The following RHCE variants were observed in gnomAD, a reference collection of about 807,000 sequenced individuals.
RHCE encodes the protein Rh blood group CcEe antigens, also known as blood group Rh(CE) polypeptide.
A neutral mutation model predicts 43.8 loss-of-function variants in RHCE; 22 were observed. The observed-to-expected ratio is 0.50, with a 90% CI of 0.36 to 0.72. The LOEUF (loss-of-function observed/expected upper bound fraction) is 0.72. Ranked by LOEUF, RHCE falls within the 30% of genes least tolerant of loss-of-function variation. The pLI, the probability that RHCE is intolerant of heterozygous loss-of-function variation, is 0.00. For synonymous variants in RHCE, 156 were observed against 210.7 expected, an observed-to-expected ratio of 0.74 and a Z score of 2.25; for missense variants, 385 against 525.4, an observed-to-expected ratio of 0.73 and a Z score of 2.61.
At chr1:25,416,398 G>A (rs2124533713) in intron 1 of RHCE, among the ~76,000 whole-genome samples, 1 of 151,952 alleles carries the variant, frequency 6.6e-6, no homozygotes, top group South Asian at 2.1e-4. Context: ...CAAGTAGCTG[G>A]GACTACAGGC....
At chr1:25,416,480 G>A (rs930075262) in intron 1 of RHCE, among the ~76,000 whole-genome samples, 8 of 152,078 alleles carry the variant, frequency 5.3e-5, no homozygotes, top group African/African-American at 1.9e-4. Context: ...AGCCAGGATG[G>A]TCTCCATCTC....
intron 8 of RHCE, among the ~76,000 whole-genome samples, chr1:25,373,146 A>G (rs1324598386): frequency 4.6e-5 from 7 of 151,646 alleles, no homozygotes; most frequent in Non-Finnish European, 1.0e-4. Flanking sequence ...TAAAGAAGAA[A>G]GCTTGTTGGT....
intron 1 of RHCE, among the ~76,000 whole-genome samples, chr1:25,418,333 TCTC>T (rs753081482): frequency 5.9e-5 from 9 of 151,456 alleles, no homozygotes; most frequent in Non-Finnish European, 1.2e-4. Flanking sequence ...CAGTCCCTGC[TCTC>T]CTCTTTGTTT....
In RHCE at chr1:25,416,274, T is replaced by A. The variant is rs370323442; in HGVS notation, c.148+4365A>T. On this transcript the variant is annotated intron_variant, in intron 1 of 9. Transcript: ENST00000294413. ...TGTTTTATTTATTTTTATTTTCATT[T>A]TTTTTTTGAGATGGAGTCTCGCCCT... Among the ~76,000 whole-genome samples, 10 of 152,258 alleles carry A rather than the reference T, an allele frequency of 6.6e-5. No homozygotes were observed. The South Asian group carries it at 2.1e-3, about 32-fold the overall frequency.
At chr1:25,388,668 A>T (rs1646259532) in intron 6 of RHCE, among the ~76,000 whole-genome samples, 3 of 152,146 alleles carry the variant, frequency 2.0e-5, no homozygotes, top group Admixed American at 2.0e-4. Context: ...GAAAGAAGTA[A>T]AACAGGGGCT....
At chr1:25,387,771 G>T (rs548929678) in intron 6 of RHCE, among the ~76,000 whole-genome samples, 2 of 151,828 alleles carry the variant, frequency 1.3e-5, no homozygotes, top group African/African-American at 4.8e-5. Flanking sequence ...TGCTGCAAAT[G>T]ACAGGATTTC....
intron 6 of RHCE, among the ~76,000 whole-genome samples, chr1:25,388,403 C>T (rs1359550930): frequency 1.5e-5 from 2 of 135,230 alleles, no homozygotes; most frequent in Non-Finnish European, 1.6e-5. Context: ...CTTCTGGGTG[C>T]TGCTCCTCTC....
chr1:25,373,799 A>G (rs1206987583), intron 8 of RHCE, among the ~76,000 whole-genome samples: 1 of 151,422 alleles, frequency 6.6e-6, no homozygotes, highest in East Asian at 1.9e-4. Context: ...GTTTGCTTGT[A>G]GAATAACAAG....
At chr1:25,382,643 G>A (rs1318979616) in intron 7 of RHCE, among the ~76,000 whole-genome samples, 1 of 152,010 alleles carries the variant, frequency 6.6e-6, no homozygotes, top group Non-Finnish European at 1.5e-5. Flanking sequence ...TGTCCTCACA[G>A]CAGCCCTGTG....
intron 3 of RHCE, among the ~76,000 whole-genome samples, chr1:25,393,242 C>G (rs1395080309): frequency 6.6e-6 from 1 of 152,176 alleles, no homozygotes; most frequent in Non-Finnish European, 1.5e-5. Flanking sequence ...CAAATTGTTA[C>G]AGTAACCTCC....
chr1:25,419,337 A>G (rs28482340), intron 1 of RHCE, among the ~76,000 whole-genome samples: 3 of 152,372 alleles, frequency 2.0e-5, no homozygotes, highest in East Asian at 1.9e-4. Context: ...GTAAATTGAA[A>G]TGAATTAAAA....
intron 1 of RHCE, among the ~76,000 whole-genome samples, chr1:25,417,015 G>C (rs1647572490): frequency 6.6e-6 from 1 of 151,298 alleles, no homozygotes; most frequent in Non-Finnish European, 1.5e-5. Flanking sequence ...AAACTCTGAT[G>C]ATTGTCACAT....
At chr1:25,413,251 C>T (rs962572080) in intron 1 of RHCE, among the ~76,000 whole-genome samples, 2 of 152,142 alleles carry the variant, frequency 1.3e-5, no homozygotes, top group African/African-American at 4.8e-5. Flanking sequence ...CCAAACTGGT[C>T]AGGAAATAAC....
intron 1 of RHCE, among the ~76,000 whole-genome samples, chr1:25,410,582 A>G (rs2982329): frequency 2.6e-5 from 4 of 151,500 alleles, no homozygotes; most frequent in East Asian, 2.0e-4. Context: ...ACAGGCGCGC[A>G]CCACCACGCC....
intron 7 of RHCE, among the ~76,000 whole-genome samples, chr1:25,379,483 ATATATATATATATTTTTTT>A (rs1453996670): frequency 1.9e-3 from 36 of 19,410 alleles, no homozygotes; most frequent in Non-Finnish European, 2.3e-3. Context: ...ATATATATAT[ATATATATATATATTTTTTT>A]TTTTTTTTTT....
Position 25,392,473 on chromosome 1 carries a change from C to T in RHCE, c.487-332G>A, listed in dbSNP as rs1446328435. Reference sequence around the variant, plus strand: ...ATGGGGTTTCACCGTGTTTGCCAGGCTGGTCTCAAACTCCTGACCTCAGGC... The same window carrying T: ...ATGGGGTTTCACCGTGTTTGCCAGGTTGGTCTCAAACTCCTGACCTCAGGC... On this transcript the variant is annotated intron_variant, in intron 3 of 9. Coordinates refer to ENST00000294413, the MANE Select transcript of RHCE (RefSeq NM_020485.8). Among the ~76,000 whole-genome samples, 10 of 151,308 alleles carry T rather than the reference C, an allele frequency of 6.6e-5. No homozygotes were observed. In the South Asian group the frequency reaches 1.0e-3, roughly 16 times the overall value.
In RHCE at chr1:25,390,850, T is replaced by G; in HGVS notation, c.700A>C (p.Arg234=). 1 of 1,614,232 alleles carries G rather than the reference T, an allele frequency of 6.2e-7. No individual in the cohort carries two copies. Among genetic ancestry groups the G allele is most frequent in the Non-Finnish European group, 8.5e-7 (1 of 1,180,038 alleles). ...NSALLRSPIQ[R]KNAMFNTYYA... ...TAGGTGTTGAACATGGCATTCTTCC[T>G]TTGGATTGGACTTCTCAGCAGAGCA... The change falls in exon 5 of 10, where the codon AGG becomes CGG. Residue 234 remains arginine (R), a synonymous_variant. Transcript: ENST00000294413.
In RHCE at chr1:25,411,403, A is replaced by G. The variant is rs776348737; in HGVS notation, c.149-2534T>C. On this transcript the variant is annotated intron_variant, in intron 1 of 9. Transcript: ENST00000294413. The stretch of plus-strand genomic sequence containing the variant: ...GAAGCTCTCATTACTGGAACTCTCC[A>G]AAGTCTCAGAAAAAGTCTTTGATTT... 3.4e-5 allele frequency: 52 copies of G among 1,550,328 alleles called. No homozygotes were observed. In the African/African-American group the frequency reaches 6.4e-4, roughly 19 times the overall value.
Position 25,362,325 on chromosome 1 carries a change from ATTTAT to A in RHCE, c.*197_*201del. On this transcript the variant is annotated 3_prime_UTR_variant, in exon 10 of 10. Transcript: ENST00000294413. The stretch of plus-strand genomic sequence containing the variant: ...TAGCATCATCCTAATGAAACTAAAC[ATTTAT>A]TTTAAACTTATTAAATTGACTCTTA... 2 of 1,205,698 alleles carry A rather than the reference ATTTAT, an allele frequency of 1.7e-6. No homozygotes were observed. The highest frequency in any genetic ancestry group is 1.2e-6 in the Non-Finnish European group (1 of 857,876). 74.7% of individuals were successfully genotyped at this position (1,205,698 alleles called of 1,614,324 possible).
Sources: allele counts gnomAD v4.1 joint callset (sites outside exome capture counted in the v4.1 genomes callset), GRCh38; gene constraint gnomAD v4.1.1; transcripts MANE v1.5; gene names NCBI Gene and HGNC (gene_info 2026-07-23, HGNC 2026-07-21).